The following ENOX2 variants were observed in gnomAD, a reference collection of about 807,000 sequenced individuals.
The protein encoded by ENOX2 is ecto-NOX disulfide-thiol exchanger 2, also known as APK1 antigen.
In ENOX2, 36 loss-of-function variants were observed where a neutral mutation model predicts 45.0. The observed-to-expected ratio is 0.80, with a 90% CI of 0.61 to 1.06. The LOEUF is 1.06. Ranked by LOEUF, ENOX2 falls within the 50% of genes least tolerant of loss-of-function variation. The pLI is 0.00. For missense variants in ENOX2, 423 were observed against 462.5 expected, an observed-to-expected ratio of 0.91 and a Z score of 0.78; for synonymous variants, 174 against 152.3, an observed-to-expected ratio of 1.14 and a Z score of -1.05.
At chrX:130,830,027 C>T (rs1190988210) in intron 2 of ENOX2, among the ~76,000 whole-genome samples, 1 of 111,549 alleles carries the variant, frequency 9.0e-6, no homozygotes, top group Non-Finnish European at 1.9e-5. Context: ...AGCAACTTGC[C>T]TAAGGTCACA....
chrX:130,666,064 T>C (rs746178295), intron 8 of ENOX2, among the ~76,000 whole-genome samples: 15 of 111,346 alleles, frequency 1.3e-4, no homozygotes, highest in East Asian at 2.8e-4. Flanking sequence ...GGAAGAGTCA[T>C]AGCAAATGCA....
intron 3 of ENOX2, among the ~76,000 whole-genome samples, chrX:130,754,364 C>T (rs1051333309): frequency 1.8e-5 from 2 of 111,598 alleles, no homozygotes; most frequent in African/African-American, 6.5e-5. Flanking sequence ...ACATGTCTAC[C>T]TAGTACTTGA....
intron 10 of ENOX2, among the ~76,000 whole-genome samples, chrX:130,645,047 C>T (rs933612066): frequency 1.8e-5 from 2 of 110,975 alleles, no homozygotes; most frequent in South Asian, 3.9e-4. Context: ...CTCAACTTTC[C>T]GTACAATTTT....
At chrX:130,899,093 G>T (rs2079104942) in intron 2 of ENOX2, among the ~76,000 whole-genome samples, 1 of 110,783 alleles carries the variant, frequency 9.0e-6, no homozygotes, top group Non-Finnish European at 1.9e-5. Context: ...AAAGTAATGG[G>T]CAGGGCTAAG....
At chrX:130,687,041 T>C (rs2037467549) in intron 5 of ENOX2, among the ~76,000 whole-genome samples, 1 of 111,238 alleles carries the variant, frequency 9.0e-6, no homozygotes, top group Admixed American at 9.5e-5. Flanking sequence ...TGGCTGCAGG[T>C]GGGGAAATAT....
rs753273030 is a variant in ENOX2 at position 130,637,255 on chromosome X, G to A, written c.1285C>T (p.Gln429Ter). ...TGTTGCATTCCTTGCAGGGCTTGTT[G>A]CAGGAGTTTCAGCTGCTGTTCTTTG... ...PNKEQQLKLL[Q>*]QALQGMQQHL... is the part of the protein sequence containing the mutation. Residue 429 changes from glutamine (Q) to a stop codon, truncating the protein, a stop_gained, in exon 11 of 15, where the codon CAA becomes TAA. Coordinates refer to ENST00000394363, the MANE Select transcript of ENOX2 (RefSeq NM_006375.4). LOFTEE classifies it high-confidence loss of function. The A allele has an allele frequency of 9.1e-6, 11 of 1,209,467 alleles. No homozygotes were observed. The South Asian group carries it at 1.6e-4, about 17-fold the overall frequency.
At chrX:130,787,559 C>A (rs1008143736) in intron 2 of ENOX2, among the ~76,000 whole-genome samples, 1 of 111,097 alleles carries the variant, frequency 9.0e-6, no homozygotes, top group African/African-American at 3.3e-5. Flanking sequence ...CCTGTTTGTA[C>A]CTTTTTCTAA....
chrX:130,748,118 A>G (rs1039655447), intron 3 of ENOX2, among the ~76,000 whole-genome samples: 3 of 112,299 alleles, frequency 2.7e-5, no homozygotes, highest in Non-Finnish European at 3.8e-5. Flanking sequence ...CACATTCAGT[A>G]CATCCTGATT....
chrX:130,880,203 A>C (rs188693604), intron 2 of ENOX2, among the ~76,000 whole-genome samples: 3 of 112,057 alleles, frequency 2.7e-5, no homozygotes, highest in African/African-American at 9.7e-5. Context: ...AGGGAATTTC[A>C]GGATGTGCTA....
At chrX:130,779,718 T>C (rs2039930409) in intron 3 of ENOX2, among the ~76,000 whole-genome samples, 2 of 111,975 alleles carry the variant, frequency 1.8e-5, no homozygotes, top group Admixed American at 1.9e-4. Flanking sequence ...AAATATGTGA[T>C]CAAGCAACAA....
chrX:130,724,783 A>G (rs2038566582), intron 3 of ENOX2, among the ~76,000 whole-genome samples: 1 of 112,047 alleles, frequency 8.9e-6, no homozygotes, highest in Non-Finnish European at 1.9e-5. Flanking sequence ...CCAGGGGTCA[A>G]TCCATGACTA....
intron 4 of ENOX2, among the ~76,000 whole-genome samples, chrX:130,701,840 T>C (rs1431223751): frequency 8.9e-6 from 1 of 112,328 alleles, no homozygotes; most frequent in East Asian, 2.8e-4. Flanking sequence ...TGTTTGGTTG[T>C]TCATTTCAAT....
At chrX:130,751,498 C>T (rs1056476060) in intron 3 of ENOX2, among the ~76,000 whole-genome samples, 1 of 111,913 alleles carries the variant, frequency 8.9e-6, no homozygotes, top group African/African-American at 3.2e-5. Flanking sequence ...ATGAATATAG[C>T]TGCTATGAAC....
At chrX:130,772,277 G>A (rs1475182071) in intron 3 of ENOX2, among the ~76,000 whole-genome samples, 1 of 112,229 alleles carries the variant, frequency 8.9e-6, no homozygotes, top group Admixed American at 9.4e-5. Context: ...CTGCTTAACA[G>A]AGACCTCACA....
intron 3 of ENOX2, among the ~76,000 whole-genome samples, chrX:130,778,103 T>C (rs924973773): frequency 1.8e-5 from 2 of 111,713 alleles, no homozygotes; most frequent in Non-Finnish European, 3.8e-5. Context: ...AAAGTACACA[T>C]GAAATAAAAA....
chrX:130,735,837 G>C (rs1171739363), intron 3 of ENOX2, among the ~76,000 whole-genome samples: 1 of 111,034 alleles, frequency 9.0e-6, no homozygotes, highest in East Asian at 2.8e-4. Flanking sequence ...AAGATGCCAA[G>C]ATACATTAAT....
intron 3 of ENOX2, among the ~76,000 whole-genome samples, chrX:130,760,452 A>G (rs927005550): frequency 1.3e-4 from 14 of 110,865 alleles, no homozygotes; most frequent in African/African-American, 4.6e-4. Context: ...AGTTTTTCAC[A>G]GGTACATACA....
At chrX:130,759,636 C>G (rs1373682826) in intron 3 of ENOX2, among the ~76,000 whole-genome samples, 1 of 94,047 alleles carries the variant, frequency 1.1e-5, no homozygotes, top group Non-Finnish European at 2.1e-5. Flanking sequence ...GGGTAGTTTT[C>G]TCTGTTCTCT....
At chrX:130,880,902 G>A (rs2078796904) in intron 2 of ENOX2, among the ~76,000 whole-genome samples, 1 of 111,993 alleles carries the variant, frequency 8.9e-6, no homozygotes, top group African/African-American at 3.2e-5. Context: ...ACTTTAGGCC[G>A]TTTTTAAAAT....
Sources: gnomAD v4.1 joint callset for allele counts (sites outside exome capture counted in the v4.1 genomes callset) on GRCh38, gnomAD v4.1.1 for gene constraint, MANE v1.5 for transcripts, NCBI Gene and HGNC (gene_info 2026-07-23, HGNC 2026-07-21) for gene names.